The following ANKRD44 variants were observed in gnomAD, a reference collection of about 807,000 sequenced individuals.
The protein encoded by ANKRD44 is serine/threonine-protein phosphatase 6 regulatory ankyrin repeat subunit B.
A neutral mutation model predicts 116.0 loss-of-function variants in ANKRD44; 35 were observed. The observed-to-expected ratio is 0.30, with a 90% CI of 0.23 to 0.40. The LOEUF is 0.40. Among genes scored for constraint, ANKRD44 ranks in the 10% least tolerant of loss-of-function variants. The pLI, the probability that ANKRD44 is intolerant of heterozygous loss-of-function variation, is 1.00. For missense variants in ANKRD44, 1,014 were observed against 1,242.6 expected (o/e 0.82, Z 2.77); for synonymous variants, 435 against 461.8 (o/e 0.94, Z 0.74).
chr2:197,145,851 A>C (rs890334599), intron 3 of ANKRD44, among the ~76,000 whole-genome samples: 2 of 152,176 alleles, frequency 1.3e-5, no homozygotes, highest in Non-Finnish European at 2.9e-5. Flanking sequence ...ACAAAGGCGA[A>C]AACTTACTAT....
At chr2:197,288,777 T>C (rs1267346667) in intron 1 of ANKRD44, among the ~76,000 whole-genome samples, 3 of 152,220 alleles carry the variant, frequency 2.0e-5, no homozygotes, top group African/African-American at 7.2e-5. Flanking sequence ...GGTCATAATG[T>C]TAAGTAAAAT....
At position 197,092,684 on chromosome 2, in the gene ANKRD44, G is replaced by T. The variant is rs182033114; in HGVS notation, c.1101-2652C>A. On this transcript the variant is annotated intron_variant, in intron 10 of 27. Transcript: ENST00000282272. Reference sequence around the variant, plus strand: ...AGGCAGCATCATGTGGAGGAGAACTGCTTGTAATTGCCTCGCTCATCATTT... The same window carrying T: ...AGGCAGCATCATGTGGAGGAGAACTTCTTGTAATTGCCTCGCTCATCATTT... Among the ~76,000 whole-genome samples, 179 of 152,298 alleles carry T rather than the reference G, an allele frequency of 1.2e-3. 2 individuals carry two copies. Among genetic ancestry groups the T allele is most frequent in the African/African-American group, 4.1e-3 (169 of 41,552 alleles).
At chr2:197,188,162 C>G (rs2080732049) in intron 1 of ANKRD44, among the ~76,000 whole-genome samples, 1 of 152,200 alleles carries the variant, frequency 6.6e-6, no homozygotes, top group South Asian at 2.1e-4. Context: ...GGGGTGTTAC[C>G]AAGCTCTTAT....
At chr2:197,282,316 T>C (rs910952170) in intron 1 of ANKRD44, among the ~76,000 whole-genome samples, 1 of 152,114 alleles carries the variant, frequency 6.6e-6, no homozygotes, top group African/African-American at 2.4e-5. Flanking sequence ...TTTTCTTTTT[T>C]TTTTTCTTGG....
At chr2:197,070,687 G>T (rs2077539676) in intron 16 of ANKRD44, among the ~76,000 whole-genome samples, 1 of 150,964 alleles carries the variant, frequency 6.6e-6, no homozygotes, top group South Asian at 2.1e-4. Context: ...GAAAGACATT[G>T]TGCTCGCTCT....
intron 1 of ANKRD44, among the ~76,000 whole-genome samples, chr2:197,196,925 G>A (rs572145455): frequency 3.9e-5 from 6 of 151,988 alleles, no homozygotes; most frequent in Non-Finnish European, 8.8e-5. Flanking sequence ...CTAGGGACAT[G>A]TGTAAAACGG....
At chr2:197,097,828 C>T (rs541192607) in intron 10 of ANKRD44, among the ~76,000 whole-genome samples, 2 of 152,182 alleles carry the variant, frequency 1.3e-5, no homozygotes, top group Admixed American at 6.5e-5. Flanking sequence ...TAACAGCTTC[C>T]GAATGACTCA....
chr2:196,969,106 A>G (rs753305516), intron 21 of ANKRD44, among the ~76,000 whole-genome samples: 3 of 152,226 alleles, frequency 2.0e-5, no homozygotes, highest in Admixed American at 6.5e-5. Flanking sequence ...AAAGGGAGGC[A>G]ACAGATACAT....
intron 1 of ANKRD44, among the ~76,000 whole-genome samples, chr2:197,209,735 T>G (rs998104257): frequency 3.3e-5 from 5 of 152,216 alleles, no homozygotes; most frequent in Non-Finnish European, 1.5e-5. Context: ...AGAACTAGGA[T>G]AGTTTATGGA....
intron 1 of ANKRD44, among the ~76,000 whole-genome samples, chr2:197,293,275 A>G (rs2105883686): frequency 6.6e-6 from 1 of 152,322 alleles, no homozygotes; most frequent in East Asian, 1.9e-4. Context: ...CTGCTAATCT[A>G]CTACTACTGA....
intron 16 of ANKRD44, among the ~76,000 whole-genome samples, chr2:197,052,924 C>A (rs1020877313): frequency 6.6e-6 from 1 of 152,104 alleles, no homozygotes; most frequent in African/African-American, 2.4e-5. Flanking sequence ...AATCCCAGCA[C>A]TTTGGGAGGC....
chr2:197,029,870 G>T (rs2076671167), intron 16 of ANKRD44: 4 of 263,336 alleles, frequency 1.5e-5, no homozygotes, highest in South Asian at 1.2e-4. Context: ...TCAATACAAT[G>T]ACCTTTAGAC....
At chr2:197,208,807 T>TA (rs1279517573) in intron 1 of ANKRD44, among the ~76,000 whole-genome samples, 1 of 151,414 alleles carries the variant, frequency 6.6e-6, no homozygotes, top group African/African-American at 2.4e-5. Context: ...CTCAAAAAAA[T>TA]AAAAAATAAA....
intron 2 of ANKRD44, among the ~76,000 whole-genome samples, chr2:197,165,663 C>G (rs1416001575): frequency 6.6e-5 from 10 of 152,122 alleles, no homozygotes; most frequent in East Asian, 1.9e-4. Context: ...TTCCTGGGAG[C>G]AAACACCATA....
chr2:196,980,711 T>C (rs1031997933), intron 21 of ANKRD44, among the ~76,000 whole-genome samples: 3 of 152,218 alleles, frequency 2.0e-5, no homozygotes, highest in Admixed American at 6.5e-5. Flanking sequence ...ACATTTAGGT[T>C]AAACCATATG....
At position 197,161,617 on chromosome 2, in the gene ANKRD44, T is replaced by C. The variant is rs1011753707; in HGVS notation, c.112-14512A>G. On this transcript the variant is annotated intron_variant, in intron 2 of 27. Coordinates refer to ENST00000282272, the MANE Select transcript of ANKRD44 (RefSeq NM_001195144.2). ...CATGGATGGATTAAACACTAATATA[T>C]ATTTGGATGGTTTGCTTGCTTGCAA... 2.0e-5 allele frequency among the ~76,000 whole-genome samples: 3 copies of C among 152,254 alleles called. No individual in the cohort carries two copies. In the South Asian group the frequency reaches 6.2e-4, roughly 32 times the overall value.
At position 197,146,333 on chromosome 2, in the gene ANKRD44, T is replaced by C. The variant is rs558979435; in HGVS notation, c.190+694A>G. 4.6e-5 allele frequency among the ~76,000 whole-genome samples: 7 copies of C among 152,254 alleles called. No individual in the cohort carries two copies. The South Asian group carries it at 1.4e-3, about 32-fold the overall frequency. Reference sequence around the variant, plus strand: ...AACCACTAACCAGAAATCAATATGGTTCCTTGCCTTCCATGTTTTTATGCT... The same window carrying C: ...AACCACTAACCAGAAATCAATATGGCTCCTTGCCTTCCATGTTTTTATGCT... On this transcript the variant is annotated intron_variant, in intron 3 of 27. Coordinates refer to ENST00000282272, the MANE Select transcript of ANKRD44 (RefSeq NM_001195144.2).
intron 1 of ANKRD44, among the ~76,000 whole-genome samples, chr2:197,188,646 C>G (rs188166200): frequency 6.6e-6 from 1 of 152,298 alleles, no homozygotes; most frequent in African/African-American, 2.4e-5. Flanking sequence ...TGTCCTCTAA[C>G]CAGACAACCC....
rs1289283359 is a variant in ANKRD44, at chr2:197,215,350, G to GA, written c.28-28245dup. Among the ~76,000 whole-genome samples, 4 of 152,304 alleles carry GA rather than the reference G, an allele frequency of 2.6e-5. No individual in the cohort carries two copies. In the East Asian group the frequency reaches 7.7e-4, roughly 29 times the overall value. ...CTGAAGATTTTTCTTGCTTTTGGTA[G>GA]AGAAAAGGCTATTTTGCATGTCATT... On this transcript the variant is annotated intron_variant, in intron 1 of 27. Transcript: ENST00000282272.
Sources: allele counts gnomAD v4.1 joint callset (sites outside exome capture counted in the v4.1 genomes callset), GRCh38; gene constraint gnomAD v4.1.1; transcripts MANE v1.5; gene names NCBI Gene and HGNC (gene_info 2026-07-23, HGNC 2026-07-21).